The following CENPL variants were observed in gnomAD, a reference collection of about 807,000 sequenced individuals.
CENPL encodes the protein interphase centromere complex protein 33.
Under a neutral mutation model 35.2 loss-of-function variants are expected in CENPL, and 20 were observed. The observed-to-expected ratio is 0.57, with a 90% confidence interval of 0.40 to 0.83. The LOEUF (loss-of-function observed/expected upper bound fraction) is 0.83, where lower values mean the gene tolerates loss of function less well. CENPL is among the 40% of genes least tolerant of loss of function. The pLI is 0.00. For synonymous variants in CENPL, 140 were observed against 140.6 expected, an observed-to-expected ratio of 1.00 and a Z score of 0.03; for missense variants, 363 against 395.8, an observed-to-expected ratio of 0.92 and a Z score of 0.70.
chr1:173,811,213 T>C lies in CENPL; in HGVS notation c.87A>G (p.Lys29=), dbSNP rs746337503. The C allele has an allele frequency of 4.3e-6, 7 of 1,613,904 alleles. No homozygotes were observed. The highest frequency in any genetic ancestry group is 5.9e-6 in the Non-Finnish European group (7 of 1,179,888). The part of the protein sequence containing the change: ...DYFIGATPLQ[K]RLESVRKQSS... ...TCTGCTTCCTGACCGATTCTAATCG[T>C]TTCTGCAGAGGAGTGGCACCTATAA... The change falls in exon 3 of 6, where the codon AAA becomes AAG. Residue 29 remains lysine (K), a synonymous_variant. Transcript: ENST00000682279.
chr1:173,824,091 A>G (rs1652296038), intron 1 of CENPL, 72 bp from the exon 2 acceptor site: 1 of 151,720 alleles, frequency 6.6e-6, no homozygotes, highest in South Asian at 2.1e-4. Context: ...GGCCCTCCCA[A>G]ATTCCCTCTC....
chr1:173,812,995 T>C (rs1266127377), intron 2 of CENPL, among the ~76,000 whole-genome samples: 1 of 152,118 alleles, frequency 6.6e-6, no homozygotes, highest in Non-Finnish European at 1.5e-5. Context: ...CTGATGGAGC[T>C]GAAAACCATG....
chr1:173,810,663 G>A (rs1366737872), intron 3 of CENPL, among the ~76,000 whole-genome samples: 2 of 152,222 alleles, frequency 1.3e-5, no homozygotes, highest in African/African-American at 4.8e-5. Flanking sequence ...ACTCATGCCT[G>A]TAATCCCAAC....
rs570963502 is a variant in CENPL, at chr1:173,800,262, A to C, written c.*186T>G. The C allele has an allele frequency of 2.2e-6, 1 of 452,608 alleles. No individual in the cohort carries two copies. Among genetic ancestry groups the C allele is most frequent in the East Asian group, 3.4e-5 (1 of 29,298 alleles). The allele number at this position is 452,608 out of a possible 1,614,324, so 28.0% of individuals were successfully genotyped here. On this transcript the variant is annotated 3_prime_UTR_variant, in exon 6 of 6. Transcript: ENST00000682279. Reference sequence around the variant, plus strand: ...GTACATGGGCACCTGGCTGTGGCTCATCTACTACCATATTCTTTGTTCTTC... The same window carrying C: ...GTACATGGGCACCTGGCTGTGGCTCCTCTACTACCATATTCTTTGTTCTTC...
chr1:173,814,519 AT>A (rs1179881170), intron 2 of CENPL, among the ~76,000 whole-genome samples: 1 of 152,224 alleles, frequency 6.6e-6, no homozygotes, highest in African/African-American at 2.4e-5. Context: ...AGAACTCAGG[AT>A]TAAGAAACTC....
At chr1:173,813,531 A>T (rs535236012) in intron 2 of CENPL, among the ~76,000 whole-genome samples, 2 of 152,214 alleles carry the variant, frequency 1.3e-5, no homozygotes, top group Non-Finnish European at 2.9e-5. Flanking sequence ...CAACATTCTT[A>T]AAGAAAAGAA....
intron 2 of CENPL, among the ~76,000 whole-genome samples, chr1:173,819,655 C>G (rs1262357541): frequency 2.6e-5 from 4 of 152,124 alleles, no homozygotes; most frequent in South Asian, 4.2e-4. Flanking sequence ...AAGTTTTTTA[C>G]GAATAAAAAG....
At chr1:173,801,326 C>T (rs1649729856) in intron 5 of CENPL, among the ~76,000 whole-genome samples, 1 of 151,798 alleles carries the variant, frequency 6.6e-6, no homozygotes, top group Non-Finnish European at 1.5e-5. Context: ...ACCAGCCTGG[C>T]CAACATGGTG....
intron 2 of CENPL, among the ~76,000 whole-genome samples, chr1:173,820,716 T>C (rs1390338660): frequency 1.3e-5 from 2 of 152,174 alleles, no homozygotes; most frequent in African/African-American, 4.8e-5. Flanking sequence ...ATCCACACCA[T>C]GTAATAGTAC....
chr1:173,818,124 G>A (rs1348950509), intron 2 of CENPL, among the ~76,000 whole-genome samples: 1 of 151,764 alleles, frequency 6.6e-6, no homozygotes, highest in Non-Finnish European at 1.5e-5. Flanking sequence ...TGCACATTTT[G>A]CACATGTACC....
intron 4 of CENPL, among the ~76,000 whole-genome samples, chr1:173,805,838 T>G (rs1650175880): frequency 7.0e-6 from 1 of 143,272 alleles, no homozygotes; most frequent in Admixed American, 6.9e-5. Context: ...CTTACATCCA[T>G]GCACTTTTTT....
rs1418786129 is a variant in CENPL, at chr1:173,803,122, G to A, written c.804C>T (p.Val268=). 1.2e-6 allele frequency: 2 copies of A among 1,614,140 alleles called. No homozygotes were observed. The highest frequency in any genetic ancestry group is 1.1e-5 in the South Asian group (1 of 91,080). The part of the protein sequence containing the change: ...PEDAKALWDS[V]HKTPGEVTQE... ...GGGTAACCTCCCCAGGTGTTTTGTG[G>A]ACACTGTCCCATAGAGCTTTTGCAT... is the stretch of plus-strand genomic sequence containing the variant. The change falls in exon 5 of 6, where the codon GTC becomes GTT. Residue 268 remains valine (V), a synonymous_variant. Coordinates refer to ENST00000682279, the MANE Select transcript of CENPL (RefSeq NM_001387287.1).
At chr1:173,813,425 G>C (rs1262799506) in intron 2 of CENPL, among the ~76,000 whole-genome samples, 3 of 152,174 alleles carry the variant, frequency 2.0e-5, no homozygotes, top group Non-Finnish European at 2.9e-5. Flanking sequence ...CAGCCAGAGA[G>C]AAAGGTCGGG....
At chr1:173,819,873 T>G (rs563827381) in intron 2 of CENPL, among the ~76,000 whole-genome samples, 26 of 151,246 alleles carry the variant, frequency 1.7e-4, no homozygotes, top group African/African-American at 5.1e-4. Context: ...TTGTTTGTTT[T>G]TTTTTTTGTA....
chr1:173,803,604 G>T, intron 4 of CENPL, 99 bp from the exon 5 acceptor site: 1 of 1,069,454 alleles, frequency 9.4e-7, no homozygotes, highest in Non-Finnish European at 1.3e-6. Flanking sequence ...ACGAGCCAAT[G>T]TAATACTTGC....
chr1:173,809,213 G>A (rs1650564438), intron 3 of CENPL, among the ~76,000 whole-genome samples: 1 of 152,008 alleles, frequency 6.6e-6, no homozygotes, highest in Non-Finnish European at 1.5e-5. Flanking sequence ...CGTGGTGGCG[G>A]GCACCTGTAG....
intron 4 of CENPL, chr1:173,806,427 T>C (rs769153969): frequency 4.5e-6 from 2 of 444,502 alleles, no homozygotes; most frequent in Non-Finnish European, 4.5e-6. Flanking sequence ...CTACAAAAAA[T>C]ACAAAATTTA....
intron 2 of CENPL, among the ~76,000 whole-genome samples, chr1:173,815,518 G>A (rs557098809): frequency 4.6e-5 from 7 of 152,146 alleles, no homozygotes; most frequent in East Asian, 1.9e-4. Flanking sequence ...CCTAGGATGC[G>A]AGGCTGGTTC....
At chr1:173,809,632 C>T (rs1650610161) in intron 3 of CENPL, among the ~76,000 whole-genome samples, 1 of 148,966 alleles carries the variant, frequency 6.7e-6, no homozygotes, top group Admixed American at 6.7e-5. Context: ...AAAAAAACAA[C>T]CCCATTAAAA....
Sources: gnomAD v4.1 joint callset for allele counts (sites outside exome capture counted in the v4.1 genomes callset) on GRCh38, gnomAD v4.1.1 for gene constraint, MANE v1.5 for transcripts, NCBI Gene and HGNC (gene_info 2026-07-23, HGNC 2026-07-21) for gene names.